MEF2C: variants seen among roughly 807,000 people sequenced by gnomAD.
The protein encoded by MEF2C is myocyte-specific enhancer factor 2C.
In MEF2C, 6 loss-of-function variants were observed where a neutral mutation model predicts 50.5. The ratio of observed to expected loss-of-function variants is 0.12; its 90% CI spans 0.07 to 0.23. MEF2C has a LOEUF of 0.23. Ranked by LOEUF, MEF2C falls within the 10% of genes least tolerant of loss-of-function variation. The probability of loss-of-function intolerance (pLI) is 1.00; values close to 1 mark genes in which losing one functional copy is unlikely to be tolerated. For missense variants in MEF2C, 276 were observed against 605.0 expected (o/e 0.46, Z 5.70); for synonymous variants, 183 against 228.0 (o/e 0.80, Z 1.78).
intron 6 of MEF2C, chr5:88,748,019 G>T: frequency 2.1e-6 from 2 of 974,376 alleles, no homozygotes; most frequent in South Asian, 4.7e-5. Context: ...TAGGAAGCTA[G>T]TGTTATTCAT....
chr5:88,860,456 A>T (rs939408911), intron 1 of MEF2C, among the ~76,000 whole-genome samples: 2 of 152,102 alleles, frequency 1.3e-5, no homozygotes. Flanking sequence ...CTAAAATCAT[A>T]AAACAAAATG....
At position 88,859,708 on chromosome 5, in the gene MEF2C, CA is replaced by C. The variant is rs1247314364; in HGVS notation, c.-143+23246del. ...ACATTGGGAAGTTGCGCTCAACGAG[CA>C]AAAACTCTTTGCAGACATGACAGAT... On this transcript the variant is annotated intron_variant, in intron 1 of 10. Coordinates refer to ENST00000504921, the MANE Select transcript of MEF2C (RefSeq NM_002397.5). 5.3e-5 allele frequency among the ~76,000 whole-genome samples: 8 copies of C among 152,280 alleles called. 1 individual carries two copies. In the South Asian group the frequency reaches 1.7e-3, roughly 32 times the overall value.
intron 1 of MEF2C, among the ~76,000 whole-genome samples, chr5:88,902,971 T>A: frequency 6.6e-6 from 1 of 151,764 alleles, no homozygotes. Context: ...CTTGCTTAAA[T>A]AAATGTTTTC....
intron 3 of MEF2C, among the ~76,000 whole-genome samples, chr5:88,793,561 G>T (rs936364579): frequency 6.6e-6 from 1 of 152,078 alleles, no homozygotes; most frequent in Non-Finnish European, 1.5e-5. Context: ...ATCTGCAAAT[G>T]ATTAGGTAAG....
chr5:88,727,984 A>G (rs766664964), intron 10 of MEF2C, among the ~76,000 whole-genome samples: 7 of 151,982 alleles, frequency 4.6e-5, no homozygotes, highest in Non-Finnish European at 1.0e-4. Context: ...TATTATATGT[A>G]CTAGTTAGTA....
In MEF2C at chr5:88,891,437, G is replaced by A. The variant is rs564293258; in HGVS notation, c.-239-3839C>T. ...TTTTGAGACGCAGTCTCGCTCTGTCGCCCAGGCTTGAGTGCAGTGGTGCGA... is the reference window on the plus strand; with the variant it reads ...TTTTGAGACGCAGTCTCGCTCTGTCACCCAGGCTTGAGTGCAGTGGTGCGA... On this transcript the variant is annotated intron_variant, in intron 1 of 11. Transcript: ENST00000340208. Among the ~76,000 whole-genome samples, 31 of 125,222 alleles carry A rather than the reference G, an allele frequency of 2.5e-4. No individual in the cohort carries two copies. The South Asian group carries it at 6.1e-3, about 25-fold the overall frequency. 82.2% of individuals were successfully genotyped at this position (125,222 alleles called of 152,430 possible).
chr5:88,841,231 C>T (rs920282492), intron 1 of MEF2C, among the ~76,000 whole-genome samples: 4 of 152,028 alleles, frequency 2.6e-5, no homozygotes, highest in Non-Finnish European at 5.9e-5. Context: ...ATCTTAGGGC[C>T]GGGCACTGTG....
chr5:88,891,329 C>T (rs993019768), intron 1 of MEF2C, among the ~76,000 whole-genome samples: 9 of 150,298 alleles, frequency 6.0e-5, no homozygotes, highest in African/African-American at 1.5e-4. Flanking sequence ...ATAAAGATAT[C>T]GGAGACATTG....
At chr5:88,838,271 G>T (rs1205076528) in intron 1 of MEF2C, among the ~76,000 whole-genome samples, 1 of 151,916 alleles carries the variant, frequency 6.6e-6, no homozygotes, top group Non-Finnish European at 1.5e-5. Flanking sequence ...TATTCTTGAT[G>T]GCAAAAATGA....
At chr5:88,829,326 C>T (rs1020368479) in intron 1 of MEF2C, among the ~76,000 whole-genome samples, 3 of 152,050 alleles carry the variant, frequency 2.0e-5, no homozygotes, top group Non-Finnish European at 2.9e-5. Flanking sequence ...AAGTACTCCA[C>T]GCCCTCCTGA....
upstream of MEF2C, among the ~76,000 whole-genome samples, chr5:88,887,751 G>A (rs1261831538): frequency 2.0e-5 from 3 of 152,180 alleles, no homozygotes; most frequent in South Asian, 2.1e-4. Context: ...AACTGAAATT[G>A]TCATGCATTG....
intron 1 of MEF2C, among the ~76,000 whole-genome samples, chr5:88,896,038 C>G (rs1835082713): frequency 6.6e-6 from 1 of 152,162 alleles, no homozygotes. Context: ...AGGTCCCTCC[C>G]ACCAGCAGCC....
intron 3 of MEF2C, among the ~76,000 whole-genome samples, chr5:88,793,888 T>C (rs1794904586): frequency 6.6e-6 from 1 of 151,664 alleles, no homozygotes; most frequent in Non-Finnish European, 1.5e-5. Context: ...AGTGAGCACA[T>C]GTGGTGTTTG....
chr5:88,799,581 A>G (rs2153034845), intron 3 of MEF2C, among the ~76,000 whole-genome samples: 1 of 152,344 alleles, frequency 6.6e-6, no homozygotes, highest in East Asian at 1.9e-4. Context: ...TAAACTATGT[A>G]AGAGCACTTA....
intron 10 of MEF2C, among the ~76,000 whole-genome samples, chr5:88,723,547 A>G (rs1264353261): frequency 1.3e-5 from 2 of 152,216 alleles, no homozygotes; most frequent in African/African-American, 4.8e-5. Flanking sequence ...GGGGGAGGGA[A>G]ATTGAAAATT....
chr5:88,770,586 C>T (rs1781958701), intron 3 of MEF2C, among the ~76,000 whole-genome samples: 1 of 152,178 alleles, frequency 6.6e-6, no homozygotes, highest in African/African-American at 2.4e-5. Context: ...CCAGCCTACC[C>T]CTTCATCCAT....
At chr5:88,766,004 C>T (rs531913208) in intron 3 of MEF2C, among the ~76,000 whole-genome samples, 7 of 152,220 alleles carry the variant, frequency 4.6e-5, no homozygotes, top group South Asian at 2.1e-4. Flanking sequence ...TGAGAACAGC[C>T]GTTTCCTAGA....
At chr5:88,877,973 A>C (rs1182949725) in intron 1 of MEF2C, 1 of 152,020 alleles carries the variant, frequency 6.6e-6, no homozygotes, top group African/African-American at 2.4e-5. Context: ...CAAGGGAAGA[A>C]ATGTGGCTCT....
intron 1 of MEF2C, chr5:88,844,603 T>C (rs981262137): frequency 1.2e-6 from 1 of 803,078 alleles, no homozygotes; most frequent in African/African-American, 1.9e-5. Context: ...ATTTGTAGTT[T>C]TAACACAGTA....
Sources: gnomAD v4.1 joint callset for allele counts (sites outside exome capture counted in the v4.1 genomes callset) on GRCh38, gnomAD v4.1.1 for gene constraint, MANE v1.5 for transcripts, NCBI Gene and HGNC (gene_info 2026-07-23, HGNC 2026-07-21) for gene names.